The following SLC8B1 variants were observed in gnomAD, a reference collection of about 807,000 sequenced individuals.
SLC8B1 encodes the protein mitochondrial sodium/calcium exchanger protein.
A neutral mutation model predicts 63.4 loss-of-function variants in SLC8B1; 52 were observed. The observed-to-expected ratio is 0.82, with a 90% confidence interval of 0.66 to 1.03. SLC8B1 has a LOEUF of 1.03. Among genes scored for constraint, SLC8B1 ranks in the 50% least tolerant of loss-of-function variants. The pLI is 0.00. For synonymous variants in SLC8B1, 336 were observed against 323.9 expected (o/e 1.04, Z -0.40); for missense variants, 657 against 741.7 (o/e 0.89, Z 1.33).
chr12:113,328,549 G>T (rs1196827051), intron 2 of SLC8B1, among the ~76,000 whole-genome samples: 4 of 152,108 alleles, frequency 2.6e-5, no homozygotes, highest in African/African-American at 9.7e-5. Flanking sequence ...AGCTCGTCTG[G>T]TCAGCTGTCA....
chr12:113,320,192 G>T lies in SLC8B1; in HGVS notation c.694+139C>A. On this transcript the variant is annotated intron_variant, in intron 7 of 15. Transcript: ENST00000680972. The surrounding 1 kb of genome is among the most constrained non-coding windows in gnomAD (Gnocchi z 5.3). ...CATGTTCCCATTTTTGCTCAAGCCA[G>T]CTTGAGGAGGGTTTCTGTCACTTGT... 9.1e-7 allele frequency: 1 copy of T among 1,100,208 alleles called. No individual in the cohort carries two copies. Among genetic ancestry groups the T allele is most frequent in the Non-Finnish European group, 1.3e-6 (1 of 771,018 alleles). The allele number at this position is 1,100,208 out of a possible 1,614,324, so 68.2% of individuals were successfully genotyped here.
chr12:113,325,598 T>C (rs1349433439), intron 2 of SLC8B1, among the ~76,000 whole-genome samples: 1 of 148,642 alleles, frequency 6.7e-6, no homozygotes, highest in Non-Finnish European at 1.5e-5. Context: ...GGAGTCTCGC[T>C]CTTTCGCCCA....
chr12:113,321,718 T>C (rs1322172728), intron 2 of SLC8B1, among the ~76,000 whole-genome samples: 4 of 151,894 alleles, frequency 2.6e-5, no homozygotes, highest in African/African-American at 9.7e-5. Context: ...TTACACACTT[T>C]GTTTTGTTTA....
intron 11 of SLC8B1, among the ~76,000 whole-genome samples, chr12:113,312,296 T>G (rs768965284): frequency 2.0e-5 from 3 of 151,986 alleles, no homozygotes; most frequent in Non-Finnish European, 4.4e-5. Flanking sequence ...TAGCCAGGTG[T>G]GGTGGCACGC....
chr12:113,310,153 C>T, intron 12 of SLC8B1, 81 bp downstream of exon 12: 1 of 1,518,494 alleles, frequency 6.6e-7, no homozygotes, highest in Non-Finnish European at 8.8e-7. Context: ...GGTCAAAGTG[C>T]CTCAGAGATG....
intron 14 of SLC8B1, 150 bp downstream of exon 14, chr12:113,306,345 T>C (rs1956675116): frequency 1.7e-6 from 1 of 578,970 alleles, no homozygotes; most frequent in African/African-American, 1.9e-5. Flanking sequence ...CAAATCCCTA[T>C]TTTAAAGCCT....
chr12:113,331,635 A>C (rs1957056109), intron 2 of SLC8B1, among the ~76,000 whole-genome samples: 1 of 152,114 alleles, frequency 6.6e-6, no homozygotes, highest in Non-Finnish European at 1.5e-5. Flanking sequence ...CCACAGACTA[A>C]AGGCTGCACT....
At chr12:113,331,966 C>T (rs1957061355) in intron 2 of SLC8B1, among the ~76,000 whole-genome samples, 1 of 152,104 alleles carries the variant, frequency 6.6e-6, no homozygotes, top group African/African-American at 2.4e-5. Flanking sequence ...AGCATTCTTC[C>T]CCTCACTTGC....
rs1386403898 is a variant in SLC8B1 at position 113,321,026 on chromosome 12, AGCCAGACCGG to A, written c.362+20_362+29del. On this transcript the variant is annotated intron_variant, in intron 4 of 15. Coordinates refer to ENST00000680972, the MANE Select transcript of SLC8B1 (RefSeq NM_001358345.2). ...CCTGGGACCCCTCCTCCCATTGATA[AGCCAGACCGG>A]AGCCCAGAGCCAAACTCACAACTTG... The A allele has an allele frequency of 6.2e-7, 1 of 1,605,250 alleles. No individual in the cohort carries two copies. The highest frequency in any genetic ancestry group is 1.7e-5 in the Admixed American group (1 of 57,890).
At chr12:113,303,819 C>A (rs1303950199) in intron 15 of SLC8B1, among the ~76,000 whole-genome samples, 1 of 152,172 alleles carries the variant, frequency 6.6e-6, no homozygotes, top group Admixed American at 6.5e-5. Flanking sequence ...GGAAGCTCAG[C>A]TGGTGTCATC....
At chr12:113,333,659 C>T (rs1225271888) in intron 1 of SLC8B1, among the ~76,000 whole-genome samples, 1 of 151,624 alleles carries the variant, frequency 6.6e-6, no homozygotes, top group Non-Finnish European at 1.5e-5. Flanking sequence ...CCCCCCCGCC[C>T]CCCACCCCAC....
At chr12:113,312,080 T>G (rs372259898) in intron 11 of SLC8B1, among the ~76,000 whole-genome samples, 41 of 151,616 alleles carry the variant, frequency 2.7e-4, no homozygotes, top group South Asian at 2.3e-3. Flanking sequence ...TTGGGTAAGA[T>G]GGAATCAAGC....
intron 11 of SLC8B1, among the ~76,000 whole-genome samples, chr12:113,313,050 C>T (rs184165390): frequency 1.3e-5 from 2 of 152,158 alleles, no homozygotes; most frequent in Non-Finnish European, 2.9e-5. Flanking sequence ...GGATTACAGA[C>T]ACCCATCACC....
chr12:113,327,243 A>C (rs187572218), intron 2 of SLC8B1, among the ~76,000 whole-genome samples: 4 of 152,236 alleles, frequency 2.6e-5, no homozygotes, highest in African/African-American at 9.6e-5. Flanking sequence ...AATAATAATC[A>C]TATTGGGAGG....
At position 113,334,517 on chromosome 12, in the gene SLC8B1, A is replaced by G. The variant is rs1423997963; in HGVS notation, c.-157T>C. 1 of 152,080 alleles carries G rather than the reference A, an allele frequency of 6.6e-6. No homozygotes were observed. Among genetic ancestry groups the G allele is most frequent in the African/African-American group, 2.4e-5 (1 of 41,390 alleles). The allele number at this position is 152,080 out of a possible 1,614,324, so 9.4% of individuals were successfully genotyped here. A position where few individuals can be genotyped will look rare whatever the true frequency, so the allele number is the denominator to read the frequency against. On this transcript the variant is annotated 5_prime_UTR_variant, in exon 1 of 16. Transcript: ENST00000680972. ...CTCCAACTGGAGTCCGAGTTACTCT[A>G]TTTGGCACCAAGTTCAAACAGGACA...
In SLC8B1 at chr12:113,321,259, G is replaced by A. The variant is rs755609535; in HGVS notation, c.246C>T (p.Asp82=). ...PDCHSDGGYL[D]YLEGIFCHFP... ...AGTGGCAGAAGATGCCTTCCAGGTA[G>A]TCCAGGTACCCCCCATCACTGTGGC... Residue 82 remains aspartate, a synonymous_variant, in exon 3 of 16, where the codon GAC becomes GAT. Coordinates refer to ENST00000680972, the MANE Select transcript of SLC8B1 (RefSeq NM_001358345.2). 1.9e-6 allele frequency: 3 copies of A among 1,614,200 alleles called. No individual in the cohort carries two copies. The Admixed American group carries it at 5.0e-5, about 27-fold the overall frequency.
chr12:113,310,215 G>A lies in SLC8B1; in HGVS notation c.1257+19C>T, dbSNP rs773760826. ...TCAGCATCCCTCCCCCCCCATCTCG[G>A]AGAACCCGGGCTTCTTACCCAGTGA... is the stretch of plus-strand genomic sequence containing the variant. On this transcript the variant is annotated intron_variant, in intron 12 of 15. Transcript: ENST00000680972. 1 of 1,610,758 alleles carries A rather than the reference G, an allele frequency of 6.2e-7. No homozygotes were observed. Among genetic ancestry groups the A allele is most frequent in the Admixed American group, 1.7e-5 (1 of 59,206 alleles).
intron 11 of SLC8B1, among the ~76,000 whole-genome samples, chr12:113,311,065 G>C (rs936098775): frequency 3.3e-5 from 5 of 152,212 alleles, no homozygotes; most frequent in African/African-American, 7.2e-5. Context: ...CTATAATGCC[G>C]GCACTTTGGG....
rs577949618 is a variant in SLC8B1 at position 113,333,091 on chromosome 12, C to A, written c.-82-131G>T. The A allele has an allele frequency of 6.1e-5, 37 of 604,944 alleles. No homozygotes were observed. The South Asian group carries it at 7.5e-4, about 12-fold the overall frequency. 37.5% of individuals were successfully genotyped at this position (604,944 alleles called of 1,614,324 possible). A position where few individuals can be genotyped will look rare whatever the true frequency, so the allele number is the denominator to read the frequency against. On this transcript the variant is annotated intron_variant, in intron 1 of 15. Transcript: ENST00000680972. ...CAGCAAAGTTAAGCTGACGGAGAAA[C>A]CATGTTCTGCACAGTCTCGCTGGAG...
Sources: allele counts gnomAD v4.1 joint callset (sites outside exome capture counted in the v4.1 genomes callset), GRCh38; gene constraint gnomAD v4.1.1; non-coding constraint Gnocchi (gnomAD v3.1); transcripts MANE v1.5; gene names NCBI Gene and HGNC (gene_info 2026-07-23, HGNC 2026-07-21).